Variants in ROBO1 observed in about 807,000 individuals in gnomAD.
ROBO1 encodes the protein roundabout guidance receptor 1, also known as roundabout homolog 1.
A neutral mutation model predicts 195.9 loss-of-function variants in ROBO1; 149 were observed. The ratio of observed to expected loss-of-function variants is 0.76; its 90% CI spans 0.67 to 0.87. The LOEUF (loss-of-function observed/expected upper bound fraction) is 0.87, where lower values mean the gene tolerates loss of function less well. ROBO1 is among the 40% of genes least tolerant of loss of function. The probability of loss-of-function intolerance (pLI) is 0.00; values close to 1 mark genes in which losing one functional copy is unlikely to be tolerated. For synonymous variants in ROBO1, 816 were observed against 733.2 expected, an observed-to-expected ratio of 1.11 and a Z score of -1.82; for missense variants, 1,933 against 2,068.3, an observed-to-expected ratio of 0.93 and a Z score of 1.27.
chr3:79,170,044 A>G (rs2081139499), intron 2 of ROBO1, among the ~76,000 whole-genome samples: 1 of 152,014 alleles, frequency 6.6e-6, no homozygotes, highest in Non-Finnish European at 1.5e-5. Flanking sequence ...GAGAAAACAC[A>G]CTCTTGGTCT....
chr3:78,917,099 G>GTTTTTT (rs756798186), intron 4 of ROBO1, among the ~76,000 whole-genome samples: 4 of 127,336 alleles, frequency 3.1e-5, no homozygotes, highest in East Asian at 2.3e-4. Context: ...TTTGTTTTTC[G>GTTTTTT]TTTTTTTTTT....
At chr3:79,161,129 C>T (rs879252841) in intron 2 of ROBO1, among the ~76,000 whole-genome samples, 1 of 151,964 alleles carries the variant, frequency 6.6e-6, no homozygotes, top group East Asian at 1.9e-4. Flanking sequence ...TGCTACAAAA[C>T]AATACCATGT....
intron 1 of ROBO1, among the ~76,000 whole-genome samples, chr3:79,598,311 C>T (rs1944241254): frequency 6.6e-6 from 1 of 151,988 alleles, no homozygotes; most frequent in Admixed American, 6.6e-5. Context: ...ACCTGAAGCA[C>T]ACATCCTTTT....
chr3:79,670,357 G>A lies in ROBO1; in HGVS notation c.-50-80396C>T, dbSNP rs72893995. Reference sequence around the variant, plus strand: ...AGAATAAAGGGAATTATGGTTAATGGTCTTTTATATGAAATTGCGCAACAG... The same window carrying A: ...AGAATAAAGGGAATTATGGTTAATGATCTTTTATATGAAATTGCGCAACAG... On this transcript the variant is annotated intron_variant, in intron 1 of 30. Coordinates refer to ENST00000464233, the MANE Select transcript of ROBO1 (RefSeq NM_002941.4). 7.7e-3 allele frequency among the ~76,000 whole-genome samples: 1,172 copies of A among 151,864 alleles called. 13 individuals carry two copies. The highest frequency in any genetic ancestry group is 0.027 in the African/African-American group (1,105 of 41,474).
intron 2 of ROBO1, among the ~76,000 whole-genome samples, chr3:79,368,185 G>A (rs1279565555): frequency 1.3e-5 from 2 of 151,954 alleles, no homozygotes; most frequent in East Asian, 1.9e-4. Flanking sequence ...CGCTCACCTC[G>A]GCCTCCCAAA....
intron 29 of ROBO1, among the ~76,000 whole-genome samples, chr3:78,606,014 C>A (rs1703440849): frequency 6.6e-6 from 1 of 152,160 alleles, no homozygotes; most frequent in Admixed American, 6.5e-5. Flanking sequence ...CTGACACCTT[C>A]ATCTACTGGT....
At chr3:78,615,548 TCTGGTGC>T (rs1191001747) in intron 27 of ROBO1, among the ~76,000 whole-genome samples, 1 of 152,312 alleles carries the variant, frequency 6.6e-6, no homozygotes, top group East Asian at 1.9e-4. Flanking sequence ...TCCCACGTTC[TCTGGTGC>T]CTTACATAGA....
intron 3 of ROBO1, chr3:79,018,760 G>T (rs1356305256): frequency 4.0e-5 from 46 of 1,145,840 alleles, no homozygotes; most frequent in Non-Finnish European, 4.6e-5. Flanking sequence ...AGGCAGAAGC[G>T]CAGTAGTGCC....
intron 23 of ROBO1, among the ~76,000 whole-genome samples, 157 bp downstream of exon 23, chr3:78,635,616 C>G (rs939718691): frequency 1.3e-5 from 2 of 152,114 alleles, no homozygotes; most frequent in Non-Finnish European, 2.9e-5. Flanking sequence ...TGCTAATTAA[C>G]TCTTTGACAC....
At chr3:79,256,097 G>A (rs1478949941) in intron 2 of ROBO1, among the ~76,000 whole-genome samples, 3 of 152,122 alleles carry the variant, frequency 2.0e-5, no homozygotes, top group Non-Finnish European at 4.4e-5. Flanking sequence ...GTTTTTGTTT[G>A]TTTGACTGGC....
chr3:79,366,063 C>T (rs1199107907), intron 2 of ROBO1, among the ~76,000 whole-genome samples: 4 of 152,174 alleles, frequency 2.6e-5, no homozygotes, highest in East Asian at 3.9e-4. Flanking sequence ...GAGATGCTGA[C>T]TCCAGAGTCA....
chr3:78,936,258 A>T (rs1445660178), intron 4 of ROBO1, among the ~76,000 whole-genome samples: 3 of 152,040 alleles, frequency 2.0e-5, no homozygotes, highest in Non-Finnish European at 4.4e-5. Context: ...CAAGAAATAC[A>T]GTTGTTGTTA....
At chr3:78,779,450 A>G (rs2083606515) in intron 4 of ROBO1, among the ~76,000 whole-genome samples, 1 of 152,234 alleles carries the variant, frequency 6.6e-6, no homozygotes, top group Non-Finnish European at 1.5e-5. Context: ...GGCAAAGGAT[A>G]TAAACAGACA....
chr3:79,374,149 T>A (rs569293824), intron 2 of ROBO1, among the ~76,000 whole-genome samples: 1 of 152,158 alleles, frequency 6.6e-6, no homozygotes, highest in East Asian at 1.9e-4. Flanking sequence ...CTCTTAAGAG[T>A]GAAATTCGGA....
chr3:79,196,757 G>C (rs2081645224), intron 2 of ROBO1, among the ~76,000 whole-genome samples: 1 of 151,694 alleles, frequency 6.6e-6, no homozygotes, highest in African/African-American at 2.4e-5. Flanking sequence ...TCAACTGGTA[G>C]GATCCATGGA....
chr3:78,825,969 C>A (rs1478679390), intron 4 of ROBO1, among the ~76,000 whole-genome samples: 1 of 152,178 alleles, frequency 6.6e-6, no homozygotes, highest in East Asian at 1.9e-4. Context: ...ATTCTACATT[C>A]AAAACATAAT....
chr3:79,054,148 C>T (rs1235981250), intron 3 of ROBO1, among the ~76,000 whole-genome samples: 1 of 152,038 alleles, frequency 6.6e-6, no homozygotes, highest in Non-Finnish European at 1.5e-5. Context: ...ATTCTAATTA[C>T]TCAGGCTCAG....
At position 78,601,641 on chromosome 3, in the gene ROBO1, A is replaced by T. The variant is rs531706592; in HGVS notation, c.4745-1332T>A. ...CCCCTTAAGACTGTGCTCTCCATGA[A>T]ATCAACACCTTCTTTCTTTCCTCAC... On this transcript the variant is annotated intron_variant, in intron 29 of 30. Transcript: ENST00000464233. 3.9e-5 allele frequency among the ~76,000 whole-genome samples: 6 copies of T among 152,316 alleles called. No individual in the cohort carries two copies. The South Asian group carries it at 1.2e-3, about 32-fold the overall frequency.
At chr3:79,084,643 C>T (rs912431367) in intron 3 of ROBO1, among the ~76,000 whole-genome samples, 2 of 152,114 alleles carry the variant, frequency 1.3e-5, no homozygotes, top group African/African-American at 4.8e-5. Flanking sequence ...CTATTATTAT[C>T]GTTTAGCTAT....
Sources: allele counts gnomAD v4.1 joint callset (sites outside exome capture counted in the v4.1 genomes callset), GRCh38; gene constraint gnomAD v4.1.1; transcripts MANE v1.5; gene names NCBI Gene and HGNC (gene_info 2026-07-23, HGNC 2026-07-21).